The following CWC27 variants were observed in gnomAD, a reference collection of about 807,000 sequenced individuals.
The protein encoded by CWC27 is spliceosome-associated protein CWC27 homolog.
Under a neutral mutation model 63.6 loss-of-function variants are expected in CWC27, and 47 were observed. That is an observed-to-expected ratio of 0.74 (90% CI 0.58 to 0.94). The LOEUF is 0.94. Among genes scored for constraint, CWC27 ranks in the 40% least tolerant of loss-of-function variants. The pLI, the probability that CWC27 is intolerant of heterozygous loss-of-function variation, is 0.00. For missense variants in CWC27, 495 were observed against 554.3 expected (o/e 0.89, Z 1.07); for synonymous variants, 175 against 179.8 (o/e 0.97, Z 0.22).
chr5:64,952,410 A>T lies in CWC27; in HGVS notation c.1043-19293A>T, dbSNP rs191645933. Among the ~76,000 whole-genome samples the T allele has an allele frequency of 2.8e-3, 419 of 152,122 alleles. 4 individuals carry two copies. The highest frequency in any genetic ancestry group is 9.7e-3 in the African/African-American group (402 of 41,566). On this transcript the variant is annotated intron_variant, in intron 11 of 13. Coordinates refer to ENST00000381070, the MANE Select transcript of CWC27 (RefSeq NM_005869.4). ...TTCTTAGTGGGCCATTTTGTGCACT[A>T]GAAACCCTTTACATATACAAATTTT...
intron 10 of CWC27, among the ~76,000 whole-genome samples, chr5:64,810,594 C>T (rs954949144): frequency 2.6e-5 from 4 of 152,032 alleles, no homozygotes; most frequent in African/African-American, 4.8e-5. Flanking sequence ...TAGTTTTCAG[C>T]AGACAGATCT....
intron 9 of CWC27, among the ~76,000 whole-genome samples, chr5:64,803,676 A>T (rs1181263549): frequency 6.6e-6 from 1 of 152,132 alleles, no homozygotes; most frequent in African/African-American, 2.4e-5. Context: ...AACAACTCCA[A>T]AGTTGGCTAG....
chr5:64,961,741 A>G (rs1748915634), intron 11 of CWC27, among the ~76,000 whole-genome samples: 2 of 152,188 alleles, frequency 1.3e-5, no homozygotes, highest in Admixed American at 1.3e-4. Flanking sequence ...TGTATCATAC[A>G]TACCTCAGCT....
rs890942110 is a variant in CWC27 at position 64,907,646 on chromosome 5, A to G, written c.1042+22100A>G. On this transcript the variant is annotated intron_variant, in intron 11 of 13. Transcript: ENST00000381070. The stretch of plus-strand genomic sequence containing the variant: ...TGACTTCCTCTTTTCCTAATTGAAT[A>G]CCCTTTATTTCTTTCTCCTGCCTGA... Among the ~76,000 whole-genome samples the G allele has an allele frequency of 6.6e-5, 10 of 152,240 alleles. No homozygotes were observed. In the East Asian group the frequency reaches 1.2e-3, roughly 18 times the overall value.
chr5:64,775,897 A>C (rs533060740), intron 2 of CWC27, among the ~76,000 whole-genome samples: 41 of 152,204 alleles, frequency 2.7e-4, no homozygotes, highest in African/African-American at 8.9e-4. Flanking sequence ...GTTTTATTCA[A>C]GGTATCAGAA....
At chr5:64,986,382 C>A (rs902963090) in intron 13 of CWC27, among the ~76,000 whole-genome samples, 1 of 152,136 alleles carries the variant, frequency 6.6e-6, no homozygotes, top group Non-Finnish European at 1.5e-5. Flanking sequence ...TGGGATAAAT[C>A]CCACTTGGTC....
chr5:64,969,215 T>C (rs1240526843), intron 11 of CWC27, among the ~76,000 whole-genome samples: 1 of 152,220 alleles, frequency 6.6e-6, no homozygotes, highest in Non-Finnish European at 1.5e-5. Flanking sequence ...GATAGCAGAA[T>C]TCATCTATAT....
intron 10 of CWC27, among the ~76,000 whole-genome samples, chr5:64,858,055 G>A (rs545541545): frequency 6.0e-5 from 8 of 133,192 alleles, no homozygotes; most frequent in East Asian, 2.3e-4. Context: ...GGAGAATGGC[G>A]TGAACCCGGG....
chr5:64,942,143 T>C, intron 11 of CWC27, among the ~76,000 whole-genome samples: 1 of 152,046 alleles, frequency 6.6e-6, no homozygotes, highest in East Asian at 1.9e-4. Flanking sequence ...AGAAAAATAT[T>C]GCCTGGGTGC....
In CWC27 at chr5:64,988,759, G is replaced by A. The variant is rs549806198; in HGVS notation, c.1256+11521G>A. ...GCTGGAATTATAGGCATGCGCCACC[G>A]CATGTGGCTAATTTTGTATTTTTTA... On this transcript the variant is annotated intron_variant, in intron 13 of 13. Transcript: ENST00000381070. Among the ~76,000 whole-genome samples the A allele has an allele frequency of 7.2e-5, 11 of 152,012 alleles. No homozygotes were observed. In the East Asian group the frequency reaches 7.8e-4, roughly 11 times the overall value.
At chr5:64,801,841 AAG>A (rs1005549988) in intron 9 of CWC27, among the ~76,000 whole-genome samples, 4 of 152,210 alleles carry the variant, frequency 2.6e-5, no homozygotes, top group African/African-American at 7.2e-5. Flanking sequence ...TTTAATACAT[AAG>A]AGTCAAGTTT....
chr5:64,822,879 C>A lies in CWC27; in HGVS notation c.938+18493C>A, dbSNP rs549462272. On this transcript the variant is annotated intron_variant, in intron 10 of 13. Coordinates refer to ENST00000381070, the MANE Select transcript of CWC27 (RefSeq NM_005869.4). ...CTTTTTACAATTTGAAAATGAATAT[C>A]AAATCACTACAGTAAATGAGGTAAT... Among the ~76,000 whole-genome samples the A allele has an allele frequency of 5.9e-5, 9 of 152,174 alleles. No individual in the cohort carries two copies. The South Asian group carries it at 1.9e-3, about 32-fold the overall frequency.
chr5:64,805,370 A>T (rs146291563), intron 10 of CWC27, among the ~76,000 whole-genome samples: 85 of 151,578 alleles, frequency 5.6e-4, no homozygotes, highest in African/African-American at 2.0e-3. Flanking sequence ...AGATTATATT[A>T]TATATACCAT....
chr5:64,800,090 TCTTA>T (rs1319795884), intron 7 of CWC27, among the ~76,000 whole-genome samples, 154 bp from the exon 8 acceptor site: 4 of 152,184 alleles, frequency 2.6e-5, no homozygotes, highest in African/African-American at 4.8e-5. Flanking sequence ...AGAGTAAGAT[TCTTA>T]CTTATAAAAC....
At chr5:65,015,503 C>T (rs1022035643) in intron 13 of CWC27, among the ~76,000 whole-genome samples, 3 of 152,148 alleles carry the variant, frequency 2.0e-5, no homozygotes, top group Admixed American at 2.0e-4. Flanking sequence ...GCACTTGGAA[C>T]GCTGCTGCTA....
At chr5:64,795,446 T>A (rs1156407139) in intron 7 of CWC27, among the ~76,000 whole-genome samples, 2 of 152,158 alleles carry the variant, frequency 1.3e-5, no homozygotes, top group Non-Finnish European at 2.9e-5. Context: ...AGGTCAGAAG[T>A]CTGCAATAGG....
chr5:64,897,218 A>C (rs181817488), intron 11 of CWC27, among the ~76,000 whole-genome samples: 1 of 152,148 alleles, frequency 6.6e-6, no homozygotes, highest in African/African-American at 2.4e-5. Flanking sequence ...CATTTGACCC[A>C]CTGATCCCAT....
intron 13 of CWC27, among the ~76,000 whole-genome samples, chr5:64,996,178 T>C (rs1329000528): frequency 6.6e-6 from 1 of 152,188 alleles, no homozygotes; most frequent in African/African-American, 2.4e-5. Context: ...TTGACAAAGT[T>C]GCAGAAGGTA....
At chr5:64,804,157 G>A in intron 9 of CWC27, 72 bp from the exon 10 acceptor site, 1 of 1,339,692 alleles carries the variant, frequency 7.5e-7, no homozygotes, top group Non-Finnish European at 1.0e-6. Context: ...GAGATTCAGT[G>A]GATGCAATAG....
Sources: gnomAD v4.1 joint callset for allele counts (sites outside exome capture counted in the v4.1 genomes callset) on GRCh38, gnomAD v4.1.1 for gene constraint, MANE v1.5 for transcripts, NCBI Gene and HGNC (gene_info 2026-07-23, HGNC 2026-07-21) for gene names.